The following HYDIN variants were observed in gnomAD, a reference collection of about 807,000 sequenced individuals.
HYDIN encodes HYDIN axonemal central pair apparatus protein, also known as axonemal central pair apparatus protein HYDIN.
Under a neutral mutation model 403.9 loss-of-function variants are expected in HYDIN, and 132 were observed. That is an observed-to-expected ratio of 0.33 (90% CI 0.28 to 0.38). HYDIN has a LOEUF of 0.38. Ranked by LOEUF, HYDIN falls within the 10% of genes least tolerant of loss-of-function variation. The pLI is 1.00. For missense variants in HYDIN, 2,827 were observed against 5,009.5 expected, an observed-to-expected ratio of 0.56 and a Z score of 13.15; for synonymous variants, 1,202 against 1,891.7, an observed-to-expected ratio of 0.64 and a Z score of 9.46.
At position 71,205,317 on chromosome 16, in the gene HYDIN, G is replaced by A. The variant is rs369649162; in HGVS notation, c.-23-18399C>T. Among the ~76,000 whole-genome samples the A allele has an allele frequency of 2.9e-4, 44 of 152,336 alleles. No homozygotes were observed. The South Asian group carries it at 6.0e-3, about 21-fold the overall frequency. On this transcript the variant is annotated intron_variant, in intron 1 of 85. Coordinates refer to ENST00000393567, the MANE Select transcript of HYDIN (RefSeq NM_001270974.2). ...GCGCACCAGCCTGTCTGGGCTCAGC[G>A]TGGAGCCAGGAGAGGCTCTCCAACA...
At chr16:71,114,582 G>T (rs534066859) in intron 10 of HYDIN, among the ~76,000 whole-genome samples, 45 of 151,450 alleles carry the variant, frequency 3.0e-4, no homozygotes, top group Non-Finnish European at 5.6e-4. Flanking sequence ...AAGCTTCCAG[G>T]ACTTCTCAAT....
At chr16:71,086,826 A>G (rs889456273) in intron 12 of HYDIN, among the ~76,000 whole-genome samples, 14 of 151,456 alleles carry the variant, frequency 9.2e-5, no homozygotes, top group Middle Eastern at 3.4e-3. Flanking sequence ...TGTTCTTCCT[A>G]CTTCTTCAGA....
chr16:70,938,254 T>C (rs545226313), intron 44 of HYDIN, among the ~76,000 whole-genome samples: 68 of 152,172 alleles, frequency 4.5e-4, no homozygotes, highest in Non-Finnish European at 8.2e-4. Flanking sequence ...ACCGAGGCAG[T>C]GAGCACAGAG....
chr16:70,916,614 T>C (rs1289870517), intron 47 of HYDIN, among the ~76,000 whole-genome samples: 1 of 152,172 alleles, frequency 6.6e-6, no homozygotes, highest in Non-Finnish European at 1.5e-5. Context: ...ATGCGAGACT[T>C]GCTGCTCTAT....
intron 78 of HYDIN, among the ~76,000 whole-genome samples, chr16:70,835,362 C>T (rs553564224): frequency 7.9e-5 from 12 of 151,688 alleles, no homozygotes; most frequent in South Asian, 4.2e-4. Flanking sequence ...CTGAAATGAA[C>T]GAAAATAGAG....
intron 30 of HYDIN, among the ~76,000 whole-genome samples, chr16:70,976,152 T>C (rs911580521): frequency 2.0e-5 from 3 of 152,242 alleles, no homozygotes; most frequent in African/African-American, 7.2e-5. Flanking sequence ...AAACTATGTG[T>C]GACAAATGAT....
At chr16:71,139,387 G>A (rs1160217967) in intron 7 of HYDIN, among the ~76,000 whole-genome samples, 3 of 152,002 alleles carry the variant, frequency 2.0e-5, no homozygotes, top group Non-Finnish European at 4.4e-5. Context: ...CCATGTGTTG[G>A]AACCAGCAGG....
rs935137011 is a variant in HYDIN at position 71,173,689 on chromosome 16, G to GT, written c.516+1917dup. Among the ~76,000 whole-genome samples, 5 of 151,984 alleles carry GT rather than the reference G, an allele frequency of 3.3e-5. 1 individual carries two copies. In the South Asian group the frequency reaches 6.2e-4, roughly 19 times the overall value. ...CCCTCCCCCTTCTATTGTTATACAGGTTTTTTTAGCTAAAATTTATGTATA... is the reference window on the plus strand; with the variant it reads ...CCCTCCCCCTTCTATTGTTATACAGGTTTTTTTTAGCTAAAATTTATGTATA... On this transcript the variant is annotated intron_variant, in intron 5 of 85. Coordinates refer to ENST00000393567, the MANE Select transcript of HYDIN (RefSeq NM_001270974.2).
intron 28 of HYDIN, among the ~76,000 whole-genome samples, chr16:70,982,021 G>A (rs1268970587): frequency 1.3e-5 from 2 of 150,682 alleles, no homozygotes; most frequent in African/African-American, 2.4e-5. Flanking sequence ...CCAGCTACTC[G>A]GGAGGCTGAG....
chr16:71,078,551 C>A (rs2082686625), intron 13 of HYDIN, among the ~76,000 whole-genome samples: 1 of 152,130 alleles, frequency 6.6e-6, no homozygotes, highest in Non-Finnish European at 1.5e-5. Context: ...TTTGCCTAGG[C>A]TAGATTGCAG....
At position 71,062,234 on chromosome 16, in the gene HYDIN, G is replaced by T. The variant is rs969653889; in HGVS notation, c.2311C>A (p.Gln771Lys). 2 of 1,501,972 alleles carry T rather than the reference G, an allele frequency of 1.3e-6. No homozygotes were observed. Among genetic ancestry groups the T allele is most frequent in the African/African-American group, 1.4e-5 (1 of 72,898 alleles). The allele number at this position is 1,501,972 out of a possible 1,614,324, so 93.0% of individuals were successfully genotyped here. The change falls in exon 17 of 86, where the codon CAG becomes AAG. Residue 771 changes from glutamine to lysine, a missense_variant. Coordinates refer to ENST00000393567, the MANE Select transcript of HYDIN (RefSeq NM_001270974.2). ...GTGGATCTGTGTTCTCCAGTGACCTGGGTCTCCAGGACCAGTGGTATGTGG... is the reference window on the plus strand; with the variant it reads ...GTGGATCTGTGTTCTCCAGTGACCTTGGTCTCCAGGACCAGTGGTATGTGG... The part of the protein sequence containing the change: ...TIHIPLVLET[Q>K]VTGEHRSTVY...
At chr16:71,201,099 C>A (rs2087981544) in intron 1 of HYDIN, among the ~76,000 whole-genome samples, 1 of 152,176 alleles carries the variant, frequency 6.6e-6, no homozygotes. Flanking sequence ...AGACCCTTGA[C>A]CTCTCTGACA....
chr16:70,938,297 G>A (rs1222535332), intron 44 of HYDIN, among the ~76,000 whole-genome samples: 3 of 152,230 alleles, frequency 2.0e-5, no homozygotes, highest in African/African-American at 7.2e-5. Flanking sequence ...TGCTGGTCAG[G>A]GGGGGCCAGC....
chr16:71,012,567 C>T (rs921407785), intron 23 of HYDIN, among the ~76,000 whole-genome samples: 1 of 152,202 alleles, frequency 6.6e-6, no homozygotes, highest in Non-Finnish European at 1.5e-5. Flanking sequence ...CCTACAAAGT[C>T]ACATGCACAC....
chr16:70,888,498 G>A (rs1327564867), intron 58 of HYDIN, among the ~76,000 whole-genome samples: 2 of 152,056 alleles, frequency 1.3e-5, no homozygotes, highest in Non-Finnish European at 2.9e-5. Flanking sequence ...CAACTGATAC[G>A]TGCCTGGTGG....
intron 36 of HYDIN, among the ~76,000 whole-genome samples, chr16:70,967,121 G>A (rs142982737): frequency 5.5e-4 from 83 of 152,198 alleles, no homozygotes; most frequent in Middle Eastern, 3.4e-3. Flanking sequence ...AAAGAGCACG[G>A]CACTAAGGTT....
chr16:70,894,407 C>T (rs756231381), intron 55 of HYDIN, 42 bp downstream of exon 55: 27 of 1,611,338 alleles, frequency 1.7e-5, no homozygotes, highest in Middle Eastern at 1.6e-4. Context: ...TTCCTCCCCA[C>T]GGCGGACTTG....
At chr16:71,049,996 A>AAT (rs1169063761) in intron 18 of HYDIN, among the ~76,000 whole-genome samples, 30 of 148,610 alleles carry the variant, frequency 2.0e-4, no homozygotes, top group Non-Finnish European at 3.1e-4. Context: ...ATATATATAT[A>AAT]ATATATATAT....
intron 58 of HYDIN, among the ~76,000 whole-genome samples, chr16:70,884,825 T>C (rs2041033219): frequency 6.6e-6 from 1 of 152,240 alleles, no homozygotes; most frequent in Admixed American, 6.5e-5. Context: ...GACAATGCAG[T>C]GGCCTGAGAT....
Sources: gnomAD v4.1 joint callset for allele counts (sites outside exome capture counted in the v4.1 genomes callset) on GRCh38, gnomAD v4.1.1 for gene constraint, MANE v1.5 for transcripts, NCBI Gene and HGNC (gene_info 2026-07-23, HGNC 2026-07-21) for gene names.